CWH43: variants seen among roughly 807,000 people sequenced by gnomAD.
CWH43 encodes cell wall biogenesis 43 C-terminal homolog.
Under a neutral mutation model 85.7 loss-of-function variants are expected in CWH43, and 91 were observed. That is an observed-to-expected ratio of 1.06 (90% confidence interval 0.90 to 1.26). The LOEUF is 1.26. Ranked by LOEUF, CWH43 falls within the 50% of genes most tolerant of loss-of-function variation. The pLI, the probability that CWH43 is intolerant of heterozygous loss-of-function variation, is 0.00. For synonymous variants in CWH43, 323 were observed against 293.6 expected, an observed-to-expected ratio of 1.10 and a Z score of -1.02; for missense variants, 869 against 839.2, an observed-to-expected ratio of 1.04 and a Z score of -0.44.
intron 4 of CWH43, among the ~76,000 whole-genome samples, chr4:48,993,268 C>T (rs1432058984): frequency 2.6e-5 from 4 of 152,184 alleles, no homozygotes; most frequent in Non-Finnish European, 5.9e-5. Context: ...GAGTCACCCA[C>T]TGTAATACAC....
chr4:48,990,231 A>G (rs1027023676), intron 2 of CWH43, among the ~76,000 whole-genome samples: 1 of 152,152 alleles, frequency 6.6e-6, no homozygotes, highest in Non-Finnish European at 1.5e-5. Flanking sequence ...TTCTTCCTCC[A>G]TGAAAACACA....
chr4:49,032,868 A>C (rs186210826), intron 12 of CWH43, among the ~76,000 whole-genome samples, 153 bp downstream of exon 12: 1 of 152,320 alleles, frequency 6.6e-6, no homozygotes, highest in East Asian at 1.9e-4. Flanking sequence ...AATCAGACAG[A>C]AGCATTTAAG....
chr4:49,002,135 G>C (rs1783010143), intron 6 of CWH43, among the ~76,000 whole-genome samples: 1 of 152,028 alleles, frequency 6.6e-6, no homozygotes, highest in African/African-American at 2.4e-5. Context: ...AAAGCAACTG[G>C]TCACAAGTCA....
At chr4:49,017,352 T>C (rs758962357) in intron 9 of CWH43, 24 bp downstream of exon 9, 14 of 1,457,644 alleles carry the variant, frequency 9.6e-6, no homozygotes, top group South Asian at 1.2e-5. Flanking sequence ...AACCTTGAAA[T>C]AGAATTTTAT....
chr4:49,014,603 T>C (rs1462190134), intron 8 of CWH43, among the ~76,000 whole-genome samples: 2 of 152,180 alleles, frequency 1.3e-5, no homozygotes, highest in Non-Finnish European at 2.9e-5. Flanking sequence ...ACAATCTTTG[T>C]CTTTTTTTTT....
At chr4:48,997,108 T>C (rs1782838501) in intron 5 of CWH43, among the ~76,000 whole-genome samples, 1 of 152,236 alleles carries the variant, frequency 6.6e-6, no homozygotes, top group Admixed American at 6.5e-5. Context: ...GAACATCTAT[T>C]AATATCTGAC....
intron 15 of CWH43, among the ~76,000 whole-genome samples, chr4:49,052,194 A>G (rs947554589): frequency 6.6e-6 from 1 of 152,084 alleles, no homozygotes; most frequent in Non-Finnish European, 1.5e-5. Flanking sequence ...ATTTGTTCCA[A>G]TTCCTGTATT....
At chr4:49,012,092 C>T (rs768319475) in intron 8 of CWH43, among the ~76,000 whole-genome samples, 18 of 152,168 alleles carry the variant, frequency 1.2e-4, no homozygotes, top group Non-Finnish European at 2.1e-4. Context: ...CCATTCTCCC[C>T]GTCACTTTCA....
chr4:49,058,371 C>G (rs1785033701), intron 15 of CWH43, among the ~76,000 whole-genome samples: 1 of 152,198 alleles, frequency 6.6e-6, no homozygotes, highest in East Asian at 1.9e-4. Context: ...GCTTTTCCTC[C>G]CACTACATTT....
At chr4:49,039,540 A>G (rs1355552690) in intron 13 of CWH43, among the ~76,000 whole-genome samples, 12 of 148,420 alleles carry the variant, frequency 8.1e-5, no homozygotes, top group Non-Finnish European at 1.2e-4. Context: ...CTTTCATTCC[A>G]TTTTCAACTT....
At chr4:49,021,497 T>C (rs1191323602) in intron 9 of CWH43, among the ~76,000 whole-genome samples, 1 of 152,092 alleles carries the variant, frequency 6.6e-6, no homozygotes, top group African/African-American at 2.4e-5. Context: ...ATGCCTTTGA[T>C]TTATTATTTT....
intron 13 of CWH43, among the ~76,000 whole-genome samples, chr4:49,041,259 A>G (rs1259512027): frequency 2.0e-5 from 3 of 152,130 alleles, no homozygotes; most frequent in Non-Finnish European, 4.4e-5. Flanking sequence ...ACTTTAAAGT[A>G]GTTTTTTCCA....
chr4:48,990,396 T>G (rs1044095569), intron 2 of CWH43, among the ~76,000 whole-genome samples: 2 of 152,160 alleles, frequency 1.3e-5, no homozygotes, highest in African/African-American at 4.8e-5. Context: ...TAAGCCACGA[T>G]TTGTCTTAAA....
intron 9 of CWH43, among the ~76,000 whole-genome samples, chr4:49,020,777 G>A (rs1783728481): frequency 6.6e-6 from 1 of 152,106 alleles, no homozygotes; most frequent in African/African-American, 2.4e-5. Context: ...GTATCACATT[G>A]TGGTTTTGAT....
intron 14 of CWH43, among the ~76,000 whole-genome samples, chr4:49,049,296 G>C (rs1297045009): frequency 6.6e-6 from 1 of 152,046 alleles, no homozygotes; most frequent in African/African-American, 2.4e-5. Context: ...CCTGCTCTGG[G>C]TTTCTGTTTC....
At chr4:49,051,164 C>T (rs1577712477) in intron 15 of CWH43, among the ~76,000 whole-genome samples, 1 of 152,296 alleles carries the variant, frequency 6.6e-6, no homozygotes, top group East Asian at 1.9e-4. Flanking sequence ...TCCTATGTCC[C>T]AGACCCTGTT....
chr4:48,988,615 G>C lies in CWH43; in HGVS notation c.182G>C (p.Trp61Ser). The C allele has an allele frequency of 6.2e-7, 1 of 1,613,058 alleles. No individual in the cohort carries two copies. The highest frequency in any genetic ancestry group is 8.5e-7 in the Non-Finnish European group (1 of 1,179,442). ...SPIFLTITPF[W>S]KLVNKKWMLT... Reference sequence around the variant, plus strand: ...ATATTCCTAACAATTACTCCTTTCTGGAAATTGGTTAACAAGAAGTGGATG... The same window carrying C: ...ATATTCCTAACAATTACTCCTTTCTCGAAATTGGTTAACAAGAAGTGGATG... The change falls in exon 2 of 16, where the codon TGG (tryptophan) becomes TCG (serine). Residue 61 changes from tryptophan (W) to serine (S), a missense_variant. By Grantham distance (177) the Trp-to-Ser change is radical. Coordinates refer to ENST00000226432, the MANE Select transcript of CWH43 (RefSeq NM_025087.3).
At chr4:49,022,934 G>T (rs1440634082) in intron 9 of CWH43, among the ~76,000 whole-genome samples, 1 of 151,862 alleles carries the variant, frequency 6.6e-6, no homozygotes, top group African/African-American at 2.4e-5. Flanking sequence ...CTTTACTTGG[G>T]TTATCTCACT....
intron 6 of CWH43, among the ~76,000 whole-genome samples, chr4:49,002,494 C>T (rs1783021913): frequency 6.6e-6 from 1 of 152,148 alleles, no homozygotes; most frequent in Non-Finnish European, 1.5e-5. Flanking sequence ...TGTATATACA[C>T]AGAAGAGACT....
Sources: gnomAD v4.1 joint callset for allele counts (sites outside exome capture counted in the v4.1 genomes callset) on GRCh38, gnomAD v4.1.1 for gene constraint, MANE v1.5 for transcripts, NCBI Gene and HGNC (gene_info 2026-07-23, HGNC 2026-07-21) for gene names.